DLG5: variants seen among roughly 807,000 people sequenced by gnomAD.
DLG5 encodes the protein discs large MAGUK scaffold protein 5.
Under a neutral mutation model 189.8 loss-of-function variants are expected in DLG5, and 48 were observed. That is an observed-to-expected ratio of 0.25 (90% CI 0.20 to 0.32). The LOEUF is 0.32. Among genes scored for constraint, DLG5 ranks in the 10% least tolerant of loss-of-function variants. The probability of loss-of-function intolerance (pLI) is 1.00; values close to 1 mark genes in which losing one functional copy is unlikely to be tolerated. For synonymous variants in DLG5, 1,016 were observed against 1,054.1 expected, an observed-to-expected ratio of 0.96 and a Z score of 0.70; for missense variants, 2,160 against 2,544.7, an observed-to-expected ratio of 0.85 and a Z score of 3.25.
chr10:77,892,209 G>T (rs1034642744), intron 1 of DLG5, among the ~76,000 whole-genome samples: 2 of 152,158 alleles, frequency 1.3e-5, no homozygotes. Context: ...TCTGACACGT[G>T]CCCTCAATCC....
At chr10:77,843,782 T>G in intron 5 of DLG5, 76 bp from the exon 6 acceptor site, 2 of 1,586,124 alleles carry the variant, frequency 1.3e-6, no homozygotes, top group Non-Finnish European at 1.7e-6. Context: ...CACTTTTGTC[T>G]ATCTGAGGGT....
At chr10:77,813,807 A>C (rs1435517421) in intron 20 of DLG5, among the ~76,000 whole-genome samples, 2 of 152,208 alleles carry the variant, frequency 1.3e-5, no homozygotes, top group Non-Finnish European at 2.9e-5. Context: ...GCAAAGACGT[A>C]AGGGACACAC....
At chr10:77,818,106 G>A (rs907434068) in intron 17 of DLG5, among the ~76,000 whole-genome samples, 2 of 152,124 alleles carry the variant, frequency 1.3e-5, no homozygotes, top group African/African-American at 4.8e-5. Context: ...CACACACATG[G>A]GGCGGTCAGT....
upstream of DLG5, chr10:77,929,027 CAAAAAAAA>C (rs1446421127): frequency 2.0e-5 from 3 of 149,604 alleles, no homozygotes; most frequent in African/African-American, 7.4e-5. Flanking sequence ...GACTCTGTCT[CAAAAAAAA>C]GAAAAAAAAA....
chr10:77,843,264 T>C (rs984638774), intron 6 of DLG5, among the ~76,000 whole-genome samples, 183 bp downstream of exon 6: 5 of 152,138 alleles, frequency 3.3e-5, no homozygotes, highest in Admixed American at 6.5e-5. Flanking sequence ...AACAGGGATG[T>C]TCAGATGGGA....
At chr10:77,800,500 G>A (rs3781175) in intron 27 of DLG5, among the ~76,000 whole-genome samples, 5,484 of 151,332 alleles carry the variant, frequency 0.036, 289 homozygotes, top group African/African-American at 0.11. Context: ...CGGGGCCGCC[G>A]CTGAGGGGCT....
In DLG5 at chr10:77,796,079, T is replaced by G. The variant is rs1048953516; in HGVS notation, c.5418A>C (p.Ile1806=). The change falls in exon 29 of 32, where the codon ATA becomes ATC. Residue 1806 remains isoleucine, a synonymous_variant. Transcript: ENST00000372391. This position sits in a 1 kb window ranked among gnomAD's most constrained non-coding sequence, Gnocchi z 5.2. ...GHFDVTTVAS[I]KEITEKNRHC... ...TGGGTACCTTTTCTGTGATCTCCTT[T>G]ATTGACGCCACAGTGGTCACATCGA... The G allele has an allele frequency of 4.3e-6, 7 of 1,614,200 alleles. No homozygotes were observed. Among genetic ancestry groups the G allele is most frequent in the Non-Finnish European group, 5.9e-6 (7 of 1,180,036 alleles).
At chr10:77,795,013 CCTG>C in intron 29 of DLG5, 55 bp from the exon 30 acceptor site, 1 of 1,466,620 alleles carries the variant, frequency 6.8e-7, no homozygotes, top group Non-Finnish European at 9.5e-7. Flanking sequence ...CAGCCAGCCC[CCTG>C]TCCTGCCACC....
At chr10:77,904,314 C>T (rs887823043) in intron 1 of DLG5, among the ~76,000 whole-genome samples, 3 of 150,822 alleles carry the variant, frequency 2.0e-5, no homozygotes, top group Admixed American at 2.0e-4. Context: ...TGTTCATAGG[C>T]GGAAGGGACT....
chr10:77,794,755 CA>C (rs898177148), intron 30 of DLG5, 93 bp downstream of exon 30: 6 of 949,310 alleles, frequency 6.3e-6, no homozygotes, highest in African/African-American at 3.2e-5. Flanking sequence ...TCTCATTCCT[CA>C]ACCCCCCACC....
chr10:77,875,277 G>T (rs1459521985), intron 1 of DLG5, among the ~76,000 whole-genome samples: 3 of 152,210 alleles, frequency 2.0e-5, no homozygotes, highest in Non-Finnish European at 4.4e-5. Flanking sequence ...GGCCCTGAAA[G>T]GTGGTGGCCT....
intron 5 of DLG5, among the ~76,000 whole-genome samples, chr10:77,848,171 G>C (rs917181255): frequency 6.6e-6 from 1 of 152,146 alleles, no homozygotes; most frequent in Non-Finnish European, 1.5e-5. Context: ...GTTCCCTGCA[G>C]GGAGGCCAGG....
In DLG5 at chr10:77,814,461, TTATATATATATATATATA is replaced by T. The variant is rs59297524; in HGVS notation, c.4025+2072_4026-2085del. Among the ~76,000 whole-genome samples, 381 of 70,756 alleles carry T rather than the reference TTATATATATATATATATA, an allele frequency of 5.4e-3. 9 individuals carry two copies. Among genetic ancestry groups the T allele is most frequent in the African/African-American group, 0.011 (294 of 26,348 alleles). The allele number at this position is 70,756 out of a possible 152,430, so 46.4% of individuals were successfully genotyped here. ...TATGTACATAAATAATAAAGCATGT[TTATATATATATATATATA>T]TATATATATATATATATATATATAT... On this transcript the variant is annotated intron_variant, in intron 20 of 31. Coordinates refer to ENST00000372391, the MANE Select transcript of DLG5 (RefSeq NM_004747.4).
At chr10:77,833,247 TAATCG>T (rs1564527677) in intron 9 of DLG5, among the ~76,000 whole-genome samples, 1 of 152,128 alleles carries the variant, frequency 6.6e-6, no homozygotes, top group Non-Finnish European at 1.5e-5. Context: ...GAGGCTGCTG[TAATCG>T]AGGGGAGGAT....
chr10:77,920,083 C>A (rs115899212), intron 1 of DLG5, among the ~76,000 whole-genome samples: 1 of 152,164 alleles, frequency 6.6e-6, no homozygotes, highest in South Asian at 2.1e-4. Context: ...GCTCTGACAC[C>A]TGCTTGGCAT....
At chr10:77,884,099 A>G (rs1845366721) in intron 1 of DLG5, among the ~76,000 whole-genome samples, 1 of 152,198 alleles carries the variant, frequency 6.6e-6, no homozygotes, top group African/African-American at 2.4e-5. Flanking sequence ...AGACATAGAA[A>G]GATCACTTGG....
At chr10:77,808,465 T>C (rs1225346356) in intron 24 of DLG5, among the ~76,000 whole-genome samples, 1 of 152,096 alleles carries the variant, frequency 6.6e-6, no homozygotes, top group Non-Finnish European at 1.5e-5. Context: ...AAAGACAGGG[T>C]CTCACTATGT....
rs1840925098 is a variant in DLG5 at position 77,796,423 on chromosome 10, G to A, written c.5308+28C>T. On this transcript the variant is annotated intron_variant, in intron 28 of 31. Coordinates refer to ENST00000372391, the MANE Select transcript of DLG5 (RefSeq NM_004747.4). The surrounding 1 kb of genome is among the most constrained non-coding windows in gnomAD (Gnocchi z 5.2). ...GGACATAGAGACAAAGAGCCCAGTAGGCACAGAGGGTGCCCCGTGCCCCTT... is the reference window on the plus strand; with the variant it reads ...GGACATAGAGACAAAGAGCCCAGTAAGCACAGAGGGTGCCCCGTGCCCCTT... 4 of 1,613,986 alleles carry A rather than the reference G, an allele frequency of 2.5e-6. No homozygotes were observed. The African/African-American group carries it at 4.0e-5, about 16-fold the overall frequency.
intron 1 of DLG5, among the ~76,000 whole-genome samples, chr10:77,900,616 G>A (rs1382896659): frequency 6.6e-6 from 1 of 151,622 alleles, no homozygotes; most frequent in Non-Finnish European, 1.5e-5. Flanking sequence ...CCTGGCCAAC[G>A]TGGTGAAACC....
Sources: gnomAD v4.1 joint callset for allele counts (sites outside exome capture counted in the v4.1 genomes callset) on GRCh38, gnomAD v4.1.1 for gene constraint, Gnocchi (gnomAD v3.1) non-coding constraint, MANE v1.5 for transcripts, NCBI Gene and HGNC (gene_info 2026-07-23, HGNC 2026-07-21) for gene names.